The following UTY variants were observed in gnomAD, a reference collection of about 807,000 sequenced individuals.
UTY encodes ubiquitously transcribed tetratricopeptide repeat containing, Y-linked.
Under a neutral mutation model 32.5 loss-of-function variants are expected in UTY, and 12 were observed. The observed-to-expected ratio is 0.37, with a 90% confidence interval of 0.24 to 0.60. The LOEUF is 0.60. Among genes scored for constraint, UTY ranks in the 20% least tolerant of loss-of-function variants. The pLI, the probability that UTY is intolerant of heterozygous loss-of-function variation, is 0.69. For synonymous variants in UTY, 131 were observed against 103.4 expected, an observed-to-expected ratio of 1.27 and a Z score of -1.62; for missense variants, 303 against 299.2, an observed-to-expected ratio of 1.01 and a Z score of -0.09.
At chrY:13,458,675 G>A in intron 3 of UTY, among the ~76,000 whole-genome samples, 1 of 32,932 alleles carries the variant, frequency 3.0e-5, no homozygotes, top group Non-Finnish European at 7.4e-5. Context: ...CCCTTTGTCA[G>A]ATGAGTAGTT....
At chrY:13,475,096 T>C in intron 2 of UTY, among the ~76,000 whole-genome samples, 1 of 34,162 alleles carries the variant, frequency 2.9e-5, no homozygotes, top group African/African-American at 1.1e-4. Context: ...AAACTTTTAT[T>C]TTCATAAGCT....
At chrY:13,460,146 C>A (rs781761917) in intron 3 of UTY, among the ~76,000 whole-genome samples, 2 of 32,683 alleles carry the variant, frequency 6.1e-5, no homozygotes, top group African/African-American at 2.4e-4. Context: ...ACATAAAACT[C>A]ATTTGTTAAT....
At position 13,260,258 on chromosome Y, in the gene UTY, C is replaced by A; in HGVS notation, c.4137+20G>T. The stretch of plus-strand genomic sequence containing the variant: ...AGAGAATCCAAAACAAAACAACTAT[C>A]AGTAGAAACAGTTACTCACCTCACA... On this transcript the variant is annotated intron_variant, in intron 28 of 29. Coordinates refer to ENST00000545955, the MANE Select transcript of UTY (RefSeq NM_001258249.2). The A allele has an allele frequency of 2.5e-6, 1 of 392,517 alleles. No homozygotes were observed. The highest frequency in any genetic ancestry group is 3.6e-6 in the Non-Finnish European group (1 of 280,135).
chrY:13,383,438 C>T (rs749866204), intron 8 of UTY, among the ~76,000 whole-genome samples: 23 of 30,700 alleles, frequency 7.5e-4, no homozygotes, highest in African/African-American at 2.9e-3. Context: ...TCTACTAATA[C>T]AAAAAATTAG....
At chrY:13,322,145 A>T (rs769353561) in intron 21 of UTY, among the ~76,000 whole-genome samples, 15 of 33,973 alleles carry the variant, frequency 4.4e-4, no homozygotes, top group African/African-American at 1.7e-3. Flanking sequence ...TGATATTAAC[A>T]AATTATAAAT....
chrY:13,420,563 G>A (rs909223519), intron 4 of UTY, among the ~76,000 whole-genome samples: 4 of 33,176 alleles, frequency 1.2e-4, no homozygotes, highest in Non-Finnish European at 3.0e-4. Context: ...GCCATATGCA[G>A]AAGACTAAAA....
chrY:13,464,470 G>A (rs1603476635), intron 3 of UTY, among the ~76,000 whole-genome samples: 1 of 33,327 alleles, frequency 3.0e-5, no homozygotes, highest in South Asian at 6.5e-4. Flanking sequence ...TAGTAATTTC[G>A]CTGTTTAAAA....
intron 2 of UTY, among the ~76,000 whole-genome samples, chrY:13,471,157 C>T (rs2078445335): frequency 2.9e-5 from 1 of 33,975 alleles, no homozygotes; most frequent in African/African-American, 1.2e-4. Context: ...TCTTAACATG[C>T]AAACAGCTTG....
At chrY:13,421,807 A>G (rs2072595117) in intron 4 of UTY, among the ~76,000 whole-genome samples, 2 of 32,964 alleles carry the variant, frequency 6.1e-5, no homozygotes, top group Admixed American at 2.7e-4. Context: ...AAAGATAACT[A>G]TTGGGTACCA....
intron 3 of UTY, among the ~76,000 whole-genome samples, chrY:13,456,728 G>C: frequency 3.0e-5 from 1 of 33,853 alleles, no homozygotes; most frequent in Non-Finnish European, 7.4e-5. Context: ...TGGCATCTAT[G>C]TCCCAGATAG....
intron 21 of UTY, among the ~76,000 whole-genome samples, chrY:13,307,029 C>A (rs2058734989): frequency 3.0e-5 from 1 of 32,967 alleles, no homozygotes; most frequent in Non-Finnish European, 7.4e-5. Context: ...AGTAGCAAAG[C>A]CATGGCACAT....
At chrY:13,471,584 G>A (rs2078486532) in intron 2 of UTY, among the ~76,000 whole-genome samples, 1 of 33,768 alleles carries the variant, frequency 3.0e-5, no homozygotes, top group South Asian at 6.5e-4. Flanking sequence ...GCAACTTTGG[G>A]AGGCCGAAGG....
At chrY:13,442,991 C>T in intron 4 of UTY, among the ~76,000 whole-genome samples, 1 of 33,410 alleles carries the variant, frequency 3.0e-5, no homozygotes, top group East Asian at 7.9e-4. Context: ...CCCATGCAAA[C>T]AGATGAATTG....
intron 8 of UTY, among the ~76,000 whole-genome samples, chrY:13,377,581 G>A (rs2065528299): frequency 3.1e-5 from 1 of 32,667 alleles, no homozygotes; most frequent in Non-Finnish European, 7.5e-5. Flanking sequence ...GCTTGGTGGC[G>A]GGCACCTGTA....
intron 28 of UTY, among the ~76,000 whole-genome samples, chrY:13,237,068 G>A (rs778672744): frequency 2.9e-5 from 1 of 33,919 alleles, no homozygotes; most frequent in Non-Finnish European, 7.3e-5. Flanking sequence ...ACAACATATA[G>A]AAAGGGAGGA....
chrY:13,471,648 C>T, intron 2 of UTY, among the ~76,000 whole-genome samples: 2 of 32,692 alleles, frequency 6.1e-5, no homozygotes, highest in Non-Finnish European at 1.5e-4. Flanking sequence ...CATGGTGAAA[C>T]CCCGTGCCTA....
At chrY:13,306,514 A>AG (rs2058695617) in intron 21 of UTY, among the ~76,000 whole-genome samples, 1 of 33,580 alleles carries the variant, frequency 3.0e-5, no homozygotes, top group South Asian at 6.4e-4. Flanking sequence ...TTATAAGAAA[A>AG]GCATGTATTC....
intron 3 of UTY, among the ~76,000 whole-genome samples, chrY:13,460,057 CTGTTA>C (rs2077217506): frequency 1.8e-4 from 6 of 32,762 alleles, no homozygotes; most frequent in Non-Finnish European, 3.0e-4. Flanking sequence ...TCATTTTAGT[CTGTTA>C]TAAGCTTAAA....
intron 21 of UTY, among the ~76,000 whole-genome samples, chrY:13,316,667 TTTG>T (rs2059504220): frequency 3.0e-5 from 1 of 32,823 alleles, no homozygotes; most frequent in Non-Finnish European, 7.4e-5. Flanking sequence ...TGTTTCTGTT[TTTG>T]TTGTTTTTTC....
Sources: allele counts gnomAD v4.1 joint callset (sites outside exome capture counted in the v4.1 genomes callset), GRCh38; gene constraint gnomAD v4.1.1; transcripts MANE v1.5; gene names NCBI Gene and HGNC (gene_info 2026-07-23, HGNC 2026-07-21).